The following IL1RAPL1 variants were observed in gnomAD, a reference collection of about 807,000 sequenced individuals.
IL1RAPL1 encodes the protein interleukin-1 receptor accessory protein-like 1.
IL1RAPL1 carries 3 observed loss-of-function variants against 48.4 expected under a neutral mutation model. The observed-to-expected ratio is 0.06, with a 90% CI of 0.03 to 0.16. The LOEUF (loss-of-function observed/expected upper bound fraction) is 0.16. Ranked by LOEUF, IL1RAPL1 falls within the 10% of genes least tolerant of loss-of-function variation. The pLI, the probability that IL1RAPL1 is intolerant of heterozygous loss-of-function variation, is 1.00. For missense variants in IL1RAPL1, 349 were observed against 530.6 expected, an observed-to-expected ratio of 0.66 and a Z score of 3.36; for synonymous variants, 185 against 187.7, an observed-to-expected ratio of 0.99 and a Z score of 0.12.
intron 2 of IL1RAPL1, among the ~76,000 whole-genome samples, chrX:28,808,570 AT>A (rs2147274784): frequency 9.0e-6 from 1 of 110,914 alleles, no homozygotes; most frequent in East Asian, 2.8e-4. Flanking sequence ...GCTTTATGGG[AT>A]TATGTAGTTA....
At chrX:29,545,195 CTATCTATCT>C (rs1340983113) in intron 5 of IL1RAPL1, among the ~76,000 whole-genome samples, 7 of 93,860 alleles carry the variant, frequency 7.5e-5, no homozygotes, top group African/African-American at 3.2e-4. Flanking sequence ...ATCTATCTAT[CTATCTATCT>C]ATCTATCTAT....
At position 29,902,654 on chromosome X, in the gene IL1RAPL1, CTAATAA is replaced by C. The variant is rs888449679; in HGVS notation, c.779-14799_779-14794del. On this transcript the variant is annotated intron_variant, in intron 6 of 10. Coordinates refer to ENST00000378993, the MANE Select transcript of IL1RAPL1 (RefSeq NM_014271.4). ...TTGTCCCATAATAGTAATACTACTACTAATAATAATAATAATTGCTAACAGTGAGTG... is the reference window on the plus strand; with the variant it reads ...TTGTCCCATAATAGTAATACTACTACTAATAATAATTGCTAACAGTGAGTG... Among the ~76,000 whole-genome samples, 16 of 110,202 alleles carry C rather than the reference CTAATAA, an allele frequency of 1.5e-4. No homozygotes were observed. In the East Asian group the frequency reaches 2.6e-3, roughly 18 times the overall value.
intron 5 of IL1RAPL1, among the ~76,000 whole-genome samples, chrX:29,534,570 C>T (rs1312749123): frequency 2.7e-5 from 3 of 111,641 alleles, no homozygotes; most frequent in Admixed American, 1.9e-4. Context: ...TGTGGTGACT[C>T]ATGCCTATAA....
chrX:29,678,817 A>G (rs1395775288), intron 6 of IL1RAPL1, among the ~76,000 whole-genome samples: 1 of 111,661 alleles, frequency 9.0e-6, no homozygotes, highest in African/African-American at 3.3e-5. Context: ...TCTGTTTTAA[A>G]ATAAGTCTTG....
At chrX:29,036,082 G>A (rs764880641) in intron 2 of IL1RAPL1, among the ~76,000 whole-genome samples, 5 of 111,601 alleles carry the variant, frequency 4.5e-5, no homozygotes, top group South Asian at 7.5e-4. Flanking sequence ...TATTAGCTTC[G>A]AGAAGACTTG....
intron 2 of IL1RAPL1, among the ~76,000 whole-genome samples, chrX:29,024,067 G>A (rs1926429569): frequency 9.0e-6 from 1 of 111,575 alleles, no homozygotes; most frequent in African/African-American, 3.3e-5. Flanking sequence ...ATTTATCAAA[G>A]AGCACTATGA....
intron 5 of IL1RAPL1, among the ~76,000 whole-genome samples, chrX:29,492,038 A>G (rs1392238319): frequency 8.9e-6 from 1 of 112,355 alleles, no homozygotes; most frequent in African/African-American, 3.2e-5. Flanking sequence ...AATGACAAAC[A>G]TGCAGTTACA....
chrX:29,906,507 ATATATATATATAT>A (rs1932633831), intron 6 of IL1RAPL1, among the ~76,000 whole-genome samples: 4 of 35,352 alleles, frequency 1.1e-4, no homozygotes, highest in East Asian at 8.8e-4. Context: ...ATATATATAT[ATATATATATATAT>A]ATTTCTGTAG....
At chrX:29,285,368 C>T (rs1342545511) in intron 3 of IL1RAPL1, among the ~76,000 whole-genome samples, 2 of 106,804 alleles carry the variant, frequency 1.9e-5, no homozygotes, top group East Asian at 5.9e-4. Context: ...CCCCATCTCT[C>T]CTAAAAATAC....
At chrX:29,240,294 G>C (rs1440162069) in intron 2 of IL1RAPL1, among the ~76,000 whole-genome samples, 15 of 87,968 alleles carry the variant, frequency 1.7e-4, no homozygotes, top group Non-Finnish European at 3.0e-4. Flanking sequence ...GAGTGCAGCG[G>C]CATGATCTCC....
intron 2 of IL1RAPL1, among the ~76,000 whole-genome samples, chrX:28,896,473 A>G (rs1922921595): frequency 9.0e-6 from 1 of 111,564 alleles, no homozygotes; most frequent in African/African-American, 3.3e-5. Flanking sequence ...GAGGTCGGAT[A>G]AAGAAAAAGG....
chrX:29,516,251 A>G (rs139522824), intron 5 of IL1RAPL1, among the ~76,000 whole-genome samples: 1 of 112,175 alleles, frequency 8.9e-6, no homozygotes, highest in Non-Finnish European at 1.9e-5. Flanking sequence ...GATTTACTGT[A>G]ATGGCTTTTA....
At chrX:29,313,026 A>T (rs930221627) in intron 3 of IL1RAPL1, among the ~76,000 whole-genome samples, 1 of 111,900 alleles carries the variant, frequency 8.9e-6, no homozygotes, top group African/African-American at 3.2e-5. Context: ...GTATGTATTT[A>T]TCAGCAGCAT....
intron 1 of IL1RAPL1, among the ~76,000 whole-genome samples, chrX:28,662,535 G>A (rs549918255): frequency 1.8e-5 from 2 of 111,556 alleles, no homozygotes; most frequent in African/African-American, 6.5e-5. Context: ...TTGACTCCCA[G>A]GATTCTGGCT....
intron 5 of IL1RAPL1, among the ~76,000 whole-genome samples, chrX:29,636,968 G>T (rs1183217375): frequency 9.3e-6 from 1 of 108,017 alleles, no homozygotes; most frequent in Admixed American, 1.0e-4. Context: ...CAGGAGAATC[G>T]CTTGAACCCA....
intron 3 of IL1RAPL1, among the ~76,000 whole-genome samples, chrX:29,335,881 C>T (rs1932985949): frequency 9.1e-6 from 1 of 110,268 alleles, no homozygotes; most frequent in African/African-American, 3.3e-5. Flanking sequence ...GAAAAAATGC[C>T]AGTTAATAAA....
chrX:29,653,246 C>T (rs781718661), intron 5 of IL1RAPL1, among the ~76,000 whole-genome samples: 90 of 112,091 alleles, frequency 8.0e-4, no homozygotes, highest in Non-Finnish European at 1.4e-3. Context: ...TATTCACAAA[C>T]GTAGAGAGAA....
At chrX:29,883,705 G>T (rs1168444130) in intron 6 of IL1RAPL1, among the ~76,000 whole-genome samples, 1 of 111,583 alleles carries the variant, frequency 9.0e-6, no homozygotes. Context: ...AGATTTTCCA[G>T]CCTTTTATGA....
At chrX:29,906,125 A>G (rs1296503393) in intron 6 of IL1RAPL1, among the ~76,000 whole-genome samples, 1 of 108,887 alleles carries the variant, frequency 9.2e-6, no homozygotes, top group East Asian at 2.9e-4. Flanking sequence ...TCACGAGGTC[A>G]GGAGATCGAG....
Sources: allele counts gnomAD v4.1 joint callset (sites outside exome capture counted in the v4.1 genomes callset), GRCh38; gene constraint gnomAD v4.1.1; transcripts MANE v1.5; gene names NCBI Gene and HGNC (gene_info 2026-07-23, HGNC 2026-07-21).